Variants in CCDC85C observed in about 807,000 individuals in gnomAD.
CCDC85C encodes the protein coiled-coil domain containing 85C.
CCDC85C carries 18 observed loss-of-function variants against 38.3 expected under a neutral mutation model. That is an observed-to-expected ratio of 0.47 (90% confidence interval 0.33 to 0.70). The LOEUF is 0.70. Among genes scored for constraint, CCDC85C ranks in the 30% least tolerant of loss-of-function variants. The pLI, the probability that CCDC85C is intolerant of heterozygous loss-of-function variation, is 0.03. For missense variants in CCDC85C, 566 were observed against 621.2 expected (o/e 0.91, Z 0.94); for synonymous variants, 264 against 293.8 (o/e 0.90, Z 1.04).
Position 99,544,048 on chromosome 14 carries a change from A to G in CCDC85C, c.794-7960T>C, listed in dbSNP as rs1240668942. Among the ~76,000 whole-genome samples, 3 of 152,180 alleles carry G rather than the reference A, an allele frequency of 2.0e-5. No individual in the cohort carries two copies. The highest frequency in any genetic ancestry group is 7.2e-5 in the African/African-American group (3 of 41,444). ...GAAGAGAACCATCTTTCCCATTCGC[A>G]CACACACAGTTTGCTGAGTACCCAC... On this transcript the variant is annotated intron_variant, in intron 1 of 5. Transcript: ENST00000380243. This position sits in a 1 kb window ranked among gnomAD's most constrained non-coding sequence, Gnocchi z 5.3.
At chr14:99,566,508 GCTT>G (rs1898218838) in intron 1 of CCDC85C, among the ~76,000 whole-genome samples, 1 of 152,150 alleles carries the variant, frequency 6.6e-6, no homozygotes, top group Non-Finnish European at 1.5e-5. Context: ...GAGAGGTGGG[GCTT>G]CAGGTTCACA....
chr14:99,581,958 C>T (rs1047247700), intron 1 of CCDC85C, among the ~76,000 whole-genome samples: 5 of 152,196 alleles, frequency 3.3e-5, no homozygotes, highest in African/African-American at 1.2e-4. Flanking sequence ...CCCAACAAAC[C>T]TGTGAAGGAC....
chr14:99,561,180 C>A (rs1045036563), intron 1 of CCDC85C, among the ~76,000 whole-genome samples: 1 of 152,206 alleles, frequency 6.6e-6, no homozygotes, highest in Non-Finnish European at 1.5e-5. Flanking sequence ...ATGGCCGTAG[C>A]GGCCCTGGCT....
intron 1 of CCDC85C, among the ~76,000 whole-genome samples, chr14:99,540,656 C>T (rs1026144835): frequency 2.6e-5 from 4 of 152,194 alleles, no homozygotes; most frequent in Admixed American, 1.3e-4. Context: ...TCCCCTAACC[C>T]GTCTGGGGGC....
chr14:99,533,829 C>G lies in CCDC85C; in HGVS notation c.867+2186G>C, dbSNP rs535168429. Among the ~76,000 whole-genome samples, 4 of 152,192 alleles carry G rather than the reference C, an allele frequency of 2.6e-5. No homozygotes were observed. The highest frequency in any genetic ancestry group is 5.9e-5 in the Non-Finnish European group (4 of 68,024). On this transcript the variant is annotated intron_variant, in intron 2 of 5. Transcript: ENST00000380243. This position sits in a 1 kb window ranked among gnomAD's most constrained non-coding sequence, Gnocchi z 4.2. ...GGTGGACACAGGTTATGGTGGAGGG[C>G]CCCCTGTGAGACCGGGGGGCACCCC...
In CCDC85C at chr14:99,553,339, G is replaced by C. The variant is rs149665030; in HGVS notation, c.794-17251C>G. Among the ~76,000 whole-genome samples, 352 of 146,900 alleles carry C rather than the reference G, an allele frequency of 2.4e-3. 2 individuals are homozygous for C. Among genetic ancestry groups the C allele is most frequent in the African/African-American group, 8.6e-3 (337 of 39,312 alleles). ...CTCCGGGTTCAAATCTCACACGGGG[G>C]CCACTAATTCCCTGTGTGGTTTTTT... On this transcript the variant is annotated intron_variant, in intron 1 of 5. Transcript: ENST00000380243.
chr14:99,603,008 T>A lies in CCDC85C; in HGVS notation c.793+159A>T, dbSNP rs952470293. On this transcript the variant is annotated intron_variant, in intron 1 of 5. Coordinates refer to ENST00000380243, the MANE Select transcript of CCDC85C (RefSeq NM_001144995.2). The surrounding 1 kb of genome is among the most constrained non-coding windows in gnomAD (Gnocchi z 7.5). ...CCACCGCCCAAAGCCCCACTTTGGG[T>A]GAGTGCGGGATCCCCTGGCCCAGGA... 2.0e-5 allele frequency among the ~76,000 whole-genome samples: 3 copies of A among 151,998 alleles called. No homozygotes were observed. Among genetic ancestry groups the A allele is most frequent in the Non-Finnish European group, 2.9e-5 (2 of 67,978 alleles).
chr14:99,551,232 C>T (rs573560029), intron 1 of CCDC85C, among the ~76,000 whole-genome samples: 1 of 152,282 alleles, frequency 6.6e-6, no homozygotes, highest in African/African-American at 2.4e-5. Context: ...TGGGGCTGGA[C>T]AGACACTAGA....
intron 1 of CCDC85C, among the ~76,000 whole-genome samples, chr14:99,593,702 A>G (rs999093300): frequency 2.6e-5 from 4 of 152,204 alleles, no homozygotes; most frequent in Non-Finnish European, 4.4e-5. Context: ...TGTGGTGCCC[A>G]GTGTGGGCGC....
rs1896896426 is a variant in CCDC85C at position 99,503,594 on chromosome 14, ATT to A, written c.*11650_*11651del. 6.4e-7 allele frequency: 1 copy of A among 1,553,818 alleles called. No individual in the cohort carries two copies. Among genetic ancestry groups the A allele is most frequent in the Non-Finnish European group, 8.7e-7 (1 of 1,146,718 alleles). On this transcript the variant is annotated 3_prime_UTR_variant, in exon 6 of 6. Transcript: ENST00000380243. ...TCAGGATCCCAGTTAACAATTGTGT[ATT>A]TTCTTTTGTAACAGGTTGTTTCTCC...
At chr14:99,538,580 A>G (rs1187805335) in intron 1 of CCDC85C, among the ~76,000 whole-genome samples, 1 of 152,156 alleles carries the variant, frequency 6.6e-6, no homozygotes, top group Non-Finnish European at 1.5e-5. Context: ...AGGTGGGTGC[A>G]CTTTCAGCCC....
intron 1 of CCDC85C, among the ~76,000 whole-genome samples, chr14:99,592,146 G>A (rs763204602): frequency 9.2e-5 from 14 of 152,322 alleles, no homozygotes; most frequent in East Asian, 5.8e-4. Flanking sequence ...TCCCCATCTC[G>A]CTGTCAGCAC....
chr14:99,570,159 T>C (rs1898306839), intron 1 of CCDC85C, among the ~76,000 whole-genome samples: 1 of 151,954 alleles, frequency 6.6e-6, no homozygotes, highest in African/African-American at 2.4e-5. Flanking sequence ...GTGCCTCACA[T>C]ACCTCATCCC....
chr14:99,503,020 C>G lies in CCDC85C; in HGVS notation c.*12226G>C. The G allele has an allele frequency of 6.2e-7, 1 of 1,612,036 alleles. No individual in the cohort carries two copies. The highest frequency in any genetic ancestry group is 1.3e-5 in the African/African-American group (1 of 74,986). Reference sequence around the variant, plus strand: ...TAAAGCAGGCCCTGGGTAGAGCAGGCTTTCCAGGTGGCGGCAACACCTGAG... The same window carrying G: ...TAAAGCAGGCCCTGGGTAGAGCAGGGTTTCCAGGTGGCGGCAACACCTGAG... On this transcript the variant is annotated 3_prime_UTR_variant, in exon 6 of 6. Coordinates refer to ENST00000380243, the MANE Select transcript of CCDC85C (RefSeq NM_001144995.2).
Position 99,522,230 on chromosome 14 carries a change from G to T in CCDC85C, c.878C>A (p.Ser293Tyr). ...GDKLLAQQAG[S>Y]GEFRTLRKGF... ...TTTCCGCAGCGTGCGGAACTCTCCG[G>T]AGCCTGCCTGCTGCAGGGGAGAGAA... is the stretch of plus-strand genomic sequence containing the variant. The change falls in exon 3 of 6, where the codon TCC (serine) becomes TAC (tyrosine). Residue 293 changes from serine to tyrosine, a missense_variant. Ser to Tyr is a moderately radical substitution (Grantham distance 144). Around this residue, in one of 3 missense-constraint regions of CCDC85C, gnomAD observed 286 missense variants for 276.4 expected, o/e 1.03. Coordinates refer to ENST00000380243, the MANE Select transcript of CCDC85C (RefSeq NM_001144995.2). 6.5e-7 allele frequency: 1 copy of T among 1,548,494 alleles called. No homozygotes were observed. Among genetic ancestry groups the T allele is most frequent in the Non-Finnish European group, 8.7e-7 (1 of 1,146,494 alleles).
At chr14:99,598,752 G>A (rs1488432563) in intron 1 of CCDC85C, among the ~76,000 whole-genome samples, 5 of 152,136 alleles carry the variant, frequency 3.3e-5, no homozygotes, top group African/African-American at 4.8e-5. Flanking sequence ...GCAAGTCACC[G>A]CACCACCACT....
intron 1 of CCDC85C, among the ~76,000 whole-genome samples, chr14:99,559,928 G>A (rs1438201558): frequency 6.6e-6 from 1 of 151,998 alleles, no homozygotes; most frequent in Non-Finnish European, 1.5e-5. Flanking sequence ...CCACGGGACT[G>A]GGTTGCATGG....
At chr14:99,577,150 G>A (rs899764315) in intron 1 of CCDC85C, among the ~76,000 whole-genome samples, 2 of 151,870 alleles carry the variant, frequency 1.3e-5, no homozygotes, top group East Asian at 2.0e-4. Flanking sequence ...GTTCCAAGTC[G>A]GCATCTTACT....
At chr14:99,586,795 C>T (rs1024125208) in intron 1 of CCDC85C, among the ~76,000 whole-genome samples, 5 of 152,154 alleles carry the variant, frequency 3.3e-5, no homozygotes, top group African/African-American at 4.8e-5. Flanking sequence ...CTCTGCCGGC[C>T]GCCCCTTCCA....
Sources: allele counts gnomAD v4.1 joint callset (sites outside exome capture counted in the v4.1 genomes callset), GRCh38; gene constraint gnomAD v4.1.1; regional missense constraint gnomAD v4.1.1; non-coding constraint Gnocchi (gnomAD v3.1); transcripts MANE v1.5; gene names NCBI Gene and HGNC (gene_info 2026-07-23, HGNC 2026-07-21).